RBFOX3: variants seen among roughly 807,000 people sequenced by gnomAD.
RBFOX3 encodes RNA binding fox-1 homolog 3.
A neutral mutation model predicts 48.7 loss-of-function variants in RBFOX3; 17 were observed. The observed-to-expected ratio is 0.35, with a 90% confidence interval of 0.24 to 0.52. The LOEUF is 0.52. Among genes scored for constraint, RBFOX3 ranks in the 20% least tolerant of loss-of-function variants. The pLI is 0.94. For missense variants in RBFOX3, 382 were observed against 497.5 expected (o/e 0.77, Z 2.21); for synonymous variants, 212 against 209.5 (o/e 1.01, Z -0.10).
rs768008868 is a variant in RBFOX3, at chr17:79,392,603, G to T, written c.-174-84779C>A. Among the ~76,000 whole-genome samples, 1 of 152,162 alleles carries T rather than the reference G, an allele frequency of 6.6e-6. No homozygotes were observed. Among genetic ancestry groups the T allele is most frequent in the Non-Finnish European group, 1.5e-5 (1 of 68,036 alleles). ...TTTGCCCAACAAAATGGGAGCAGAG[G>T]GGTGTCACTTCCAGCCGAAGTTTGC... On this transcript the variant is annotated intron_variant, in intron 2 of 14. Coordinates refer to ENST00000693108, the MANE Select transcript of RBFOX3 (RefSeq NM_001350451.2). This position sits in a 1 kb window ranked among gnomAD's most constrained non-coding sequence, Gnocchi z 5.0.
At chr17:79,273,045 G>A (rs1452701911) in intron 3 of RBFOX3, among the ~76,000 whole-genome samples, 1 of 152,160 alleles carries the variant, frequency 6.6e-6, no homozygotes, top group Non-Finnish European at 1.5e-5. Context: ...CCTCCCAGGG[G>A]TAGCACTGAC....
chr17:79,594,972 C>T (rs1299828309), intron 1 of RBFOX3, among the ~76,000 whole-genome samples: 2 of 152,160 alleles, frequency 1.3e-5, no homozygotes, highest in African/African-American at 4.8e-5. Context: ...TTTGCATTTA[C>T]TGGGTCCCCA....
intron 4 of RBFOX3, among the ~76,000 whole-genome samples, chr17:79,168,595 GA>G (rs2048501650): frequency 6.6e-6 from 1 of 152,206 alleles, no homozygotes; most frequent in Non-Finnish European, 1.5e-5. Flanking sequence ...GCTCTGAGGG[GA>G]GAGGGGTCAC....
At chr17:79,222,724 G>A (rs771606833) in intron 4 of RBFOX3, among the ~76,000 whole-genome samples, 20 of 152,178 alleles carry the variant, frequency 1.3e-4, no homozygotes, top group Non-Finnish European at 1.6e-4. Context: ...CCCTGCCCTG[G>A]GCACACAGGC....
intron 3 of RBFOX3, among the ~76,000 whole-genome samples, chr17:79,247,184 C>A (rs980450967): frequency 2.6e-5 from 4 of 152,066 alleles, no homozygotes; most frequent in African/African-American, 9.7e-5. Flanking sequence ...CTGTGGAGCC[C>A]ACGGGAGCCA....
intron 2 of RBFOX3, among the ~76,000 whole-genome samples, chr17:79,396,653 A>G (rs2062028031): frequency 1.3e-5 from 2 of 152,198 alleles, no homozygotes; most frequent in Non-Finnish European, 2.9e-5. Flanking sequence ...AAAGGGACCC[A>G]GACTCAGGAG....
chr17:79,324,229 T>A (rs2078977154), intron 2 of RBFOX3, among the ~76,000 whole-genome samples: 1 of 152,126 alleles, frequency 6.6e-6, no homozygotes. Flanking sequence ...GGAACTGGCT[T>A]TGGGGGCTTG....
chr17:79,609,008 T>C (rs2093907480), intron 1 of RBFOX3, among the ~76,000 whole-genome samples: 2 of 145,684 alleles, frequency 1.4e-5, no homozygotes, highest in Non-Finnish European at 3.0e-5. Context: ...CATACCCGGC[T>C]TTCATCAGGC....
the RBFOX3 span, among the ~76,000 whole-genome samples, chr17:79,624,970 A>ATG: frequency 2.0e-4 from 31 of 152,046 alleles, no homozygotes; most frequent in African/African-American, 7.2e-4. Flanking sequence ...GGAAGGCAGC[A>ATG]TGTGTGTGTG....
intron 2 of RBFOX3, among the ~76,000 whole-genome samples, chr17:79,373,016 C>T (rs2147698349): frequency 6.6e-6 from 1 of 152,292 alleles, no homozygotes; most frequent in Non-Finnish European, 1.5e-5. Context: ...GGGGCCGGCC[C>T]ACTGGACTTT....
intron 3 of RBFOX3, among the ~76,000 whole-genome samples, chr17:79,287,370 A>G (rs2072186375): frequency 6.6e-6 from 1 of 152,014 alleles, no homozygotes; most frequent in South Asian, 2.1e-4. Flanking sequence ...AGGGAGGGAA[A>G]TTGGGTTTCA....
chr17:79,280,839 T>TGC (rs2070250595), intron 3 of RBFOX3, among the ~76,000 whole-genome samples: 1 of 14,818 alleles, frequency 6.7e-5, no homozygotes, highest in African/African-American at 2.2e-4. Context: ...GCTGTCCCAT[T>TGC]GTGGGGGGGG....
chr17:79,289,932 C>T (rs965065180), intron 3 of RBFOX3, among the ~76,000 whole-genome samples: 10 of 152,192 alleles, frequency 6.6e-5, no homozygotes, highest in Non-Finnish European at 7.3e-5. Context: ...CTGCTCCAAC[C>T]CTACCCCTAA....
At chr17:79,145,294 G>A (rs2042799948) in intron 4 of RBFOX3, among the ~76,000 whole-genome samples, 1 of 152,202 alleles carries the variant, frequency 6.6e-6, no homozygotes, top group Non-Finnish European at 1.5e-5. Context: ...GGTATGGGAT[G>A]GGCTGAGTGT....
intron 2 of RBFOX3, among the ~76,000 whole-genome samples, chr17:79,381,032 T>C (rs1598446699): frequency 6.6e-6 from 1 of 152,074 alleles, no homozygotes; most frequent in African/African-American, 2.4e-5. Context: ...GAGGCTGAGG[T>C]GGGCGAATCA....
At chr17:79,578,596 C>T (rs1230008950) in intron 1 of RBFOX3, among the ~76,000 whole-genome samples, 2 of 152,266 alleles carry the variant, frequency 1.3e-5, no homozygotes, top group Admixed American at 6.5e-5. Context: ...CCTGCACATT[C>T]GTGCACCTTT....
At chr17:79,424,444 TC>T (rs1215924161) in intron 2 of RBFOX3, among the ~76,000 whole-genome samples, 2 of 151,884 alleles carry the variant, frequency 1.3e-5, no homozygotes, top group East Asian at 2.0e-4. Context: ...GTCCCTCCGC[TC>T]CCCCCGCAAC....
At chr17:79,465,084 G>A (rs188988448) in intron 2 of RBFOX3, among the ~76,000 whole-genome samples, 48 of 152,286 alleles carry the variant, frequency 3.2e-4, no homozygotes, top group Middle Eastern at 3.4e-3. Flanking sequence ...TGCAAACCCC[G>A]AGTTAAACCC....
chr17:79,298,034 G>A (rs1340023356), intron 3 of RBFOX3, among the ~76,000 whole-genome samples: 1 of 152,226 alleles, frequency 6.6e-6, no homozygotes, highest in African/African-American at 2.4e-5. Context: ...TTTGGGTTAA[G>A]TCATTGGACT....
Sources: allele counts gnomAD v4.1 joint callset (sites outside exome capture counted in the v4.1 genomes callset), GRCh38; gene constraint gnomAD v4.1.1; non-coding constraint Gnocchi (gnomAD v3.1); transcripts MANE v1.5; gene names NCBI Gene and HGNC (gene_info 2026-07-23, HGNC 2026-07-21).